Variants in PCDHGB5 observed in about 807,000 individuals in gnomAD.
PCDHGB5 encodes the protein protocadherin gamma subfamily B, 5, also known as protocadherin gamma-B5.
Under a neutral mutation model 62.9 loss-of-function variants are expected in PCDHGB5, and 48 were observed. The observed-to-expected ratio is 0.76, with a 90% CI of 0.61 to 0.97. The LOEUF (loss-of-function observed/expected upper bound fraction) is 0.97. Ranked by LOEUF, PCDHGB5 falls within the 50% of genes least tolerant of loss-of-function variation. The pLI, the probability that PCDHGB5 is intolerant of heterozygous loss-of-function variation, is 0.00. For missense variants in PCDHGB5, 1,118 were observed against 1,198.6 expected (o/e 0.93, Z 0.99); for synonymous variants, 474 against 511.2 (o/e 0.93, Z 0.98).
rs572457971 is a variant in PCDHGB5, at chr5:141,426,319, C to T, written c.2397+25795C>T. The T allele has an allele frequency of 1.5e-3, 257 of 175,598 alleles. 1 individual carries two copies. Among genetic ancestry groups the T allele is most frequent in the Non-Finnish European group, 1.2e-3 (99 of 79,820 alleles). 10.9% of individuals were successfully genotyped at this position (175,598 alleles called of 1,614,324 possible). ...CAGGGTGAAGCAGAGAAGCAGGACC[C>T]GGCAGTGGCAAGCACTCTTCCCTTT... is the stretch of plus-strand genomic sequence containing the variant. On this transcript the variant is annotated intron_variant, in intron 1 of 3. Coordinates refer to ENST00000617380, the MANE Select transcript of PCDHGB5 (RefSeq NM_018925.3).
chr5:141,477,572 G>T lies in PCDHGB5; in HGVS notation c.2398-17235G>T, dbSNP rs375416133. The T allele has an allele frequency of 6.2e-7, 1 of 1,614,112 alleles. No homozygotes were observed. Among genetic ancestry groups the T allele is most frequent in the South Asian group, 1.1e-5 (1 of 91,072 alleles). ...AAACCTAAGTGTCTGGGACCCCGAC[G>T]CCCCGCAGAATGCTCGGCTTTCTTT... On this transcript the variant is annotated intron_variant, in intron 1 of 3. Transcript: ENST00000617380. The surrounding 1 kb of genome is among the most constrained non-coding windows in gnomAD (Gnocchi z 4.9).
In PCDHGB5 at chr5:141,500,938, G is replaced by A. The variant is rs1317178701; in HGVS notation, c.2457-4455G>A. On this transcript the variant is annotated intron_variant, in intron 2 of 3. Transcript: ENST00000617380. Reference sequence around the variant, plus strand: ...GGCTGGGGTGCAGTGGCGCCATCTCGGCTCACTGCAAGCTCCACCTCCTGG... The same window carrying A: ...GGCTGGGGTGCAGTGGCGCCATCTCAGCTCACTGCAAGCTCCACCTCCTGG... 2.6e-5 allele frequency among the ~76,000 whole-genome samples: 4 copies of A among 151,060 alleles called. No homozygotes were observed. The East Asian group carries it at 5.8e-4, about 22-fold the overall frequency.
At chr5:141,409,059 A>G (rs2095217608) in intron 1 of PCDHGB5, 2 of 1,614,050 alleles carry the variant, frequency 1.2e-6, no homozygotes, top group Non-Finnish European at 1.7e-6. Context: ...AGCACTGCCC[A>G]GAGCACAAAA....
chr5:141,402,954 T>C, intron 1 of PCDHGB5: 3 of 1,601,320 alleles, frequency 1.9e-6, no homozygotes, highest in Non-Finnish European at 2.6e-6. Context: ...GAGGCAGCAA[T>C]GGCAGCTCCA....
In PCDHGB5 at chr5:141,432,272, G is replaced by A. The variant is rs772255343; in HGVS notation, c.2397+31748G>A. On this transcript the variant is annotated intron_variant, in intron 1 of 3. Transcript: ENST00000617380. The surrounding 1 kb of genome is among the most constrained non-coding windows in gnomAD (Gnocchi z 6.0). ...CCAAGGGGCAAGCCTATCGTCCTAC[G>A]TGTCCATCAACTCCGACACTGGGGT... 1 of 1,614,210 alleles carries A rather than the reference G, an allele frequency of 6.2e-7. No individual in the cohort carries two copies. Among genetic ancestry groups the A allele is most frequent in the South Asian group, 1.1e-5 (1 of 91,086 alleles).
chr5:141,404,363 A>G (rs1459982001), intron 1 of PCDHGB5: 15 of 1,613,846 alleles, frequency 9.3e-6, no homozygotes, highest in African/African-American at 1.3e-5. Flanking sequence ...AGGTACTTCC[A>G]TCTTCTCCGT....
intron 1 of PCDHGB5, among the ~76,000 whole-genome samples, chr5:141,459,494 G>C (rs1454297107): frequency 2.0e-5 from 3 of 152,200 alleles, no homozygotes; most frequent in African/African-American, 7.2e-5. Context: ...CTGAATTAAA[G>C]TGATGTGAAC....
At chr5:141,498,520 A>T (rs1178141390) in intron 2 of PCDHGB5, among the ~76,000 whole-genome samples, 1 of 149,264 alleles carries the variant, frequency 6.7e-6, no homozygotes, top group Non-Finnish European at 1.5e-5. Flanking sequence ...CATCTTGCCC[A>T]CTGCCCTCCA....
chr5:141,510,221 C>T lies in PCDHGB5; in HGVS notation c.2546-726C>T, dbSNP rs891359580. On this transcript the variant is annotated intron_variant, in intron 3 of 3. Transcript: ENST00000617380. The stretch of plus-strand genomic sequence containing the variant: ...CCAGGAGGCAGAGGTTGCAGTGAGC[C>T]GGGATCGCGCCACTGCACTCCAGGC... Among the ~76,000 whole-genome samples, 12 of 150,616 alleles carry T rather than the reference C, an allele frequency of 8.0e-5. No homozygotes were observed. In the East Asian group the frequency reaches 1.2e-3, roughly 15 times the overall value.
chr5:141,427,921 G>A (rs2097089596), intron 1 of PCDHGB5: 3 of 1,580,128 alleles, frequency 1.9e-6, no homozygotes, highest in African/African-American at 1.3e-5. Flanking sequence ...AACATGAGCC[G>A]GCGCATGTTG....
At chr5:141,421,206 G>A in intron 1 of PCDHGB5, 1 of 1,531,730 alleles carries the variant, frequency 6.5e-7, no homozygotes, top group Non-Finnish European at 8.8e-7. Context: ...AGAAACCGCG[G>A]AATATCGGCT....
At chr5:141,454,249 C>T (rs1215688507) in intron 1 of PCDHGB5, among the ~76,000 whole-genome samples, 3 of 152,192 alleles carry the variant, frequency 2.0e-5, no homozygotes, top group Non-Finnish European at 4.4e-5. Context: ...ATGAAGATGT[C>T]CCAGAGAAAG....
chr5:141,423,415 G>GA (rs750028507), intron 1 of PCDHGB5: 3 of 1,614,134 alleles, frequency 1.9e-6, no homozygotes, highest in Non-Finnish European at 2.5e-6. Context: ...GCAGGCTTCT[G>GA]AAGGCGGGTT....
At chr5:141,422,684 C>T (rs2096664410) in intron 1 of PCDHGB5, 1 of 1,604,876 alleles carries the variant, frequency 6.2e-7, no homozygotes, top group Admixed American at 1.7e-5. Flanking sequence ...AAACAGAATG[C>T]CCTGGTCACT....
Position 141,398,974 on chromosome 5 carries a change from A to G in PCDHGB5, c.847A>G (p.Arg283Gly), listed in dbSNP as rs1486049931. ...INSEITYSFY[R>G]TGQIFSLNSK... The stretch of plus-strand genomic sequence containing the variant: ...CTCAGAAATTACTTATTCCTTCTAC[A>G]GAACCGGGCAAATCTTTAGTCTGAA... Residue 283 changes from arginine (R) to glycine (G), a missense_variant, in exon 1 of 4, where the codon AGA becomes GGA. Arg to Gly is a moderately radical substitution (Grantham distance 125). This residue lies in a region of PCDHGB5 where 1,034 missense variants were observed against 1,029.1 expected (regional missense o/e 1.00). Transcript: ENST00000617380. 1.4e-5 allele frequency: 23 copies of G among 1,613,860 alleles called. No homozygotes were observed. Among genetic ancestry groups the G allele is most frequent in the Non-Finnish European group, 1.9e-5 (22 of 1,179,906 alleles).
At chr5:141,430,713 T>G in intron 1 of PCDHGB5, 1 of 1,481,944 alleles carries the variant, frequency 6.7e-7, no homozygotes, top group Non-Finnish European at 9.0e-7. Context: ...GCTCCTGACT[T>G]CAGTGGTTAA....
chr5:141,491,598 C>T lies in PCDHGB5; in HGVS notation c.2398-3209C>T, dbSNP rs1410472886. On this transcript the variant is annotated intron_variant, in intron 1 of 3. Transcript: ENST00000617380. This position sits in a 1 kb window ranked among gnomAD's most constrained non-coding sequence, Gnocchi z 6.9. ...TTTCACCGGCCTCGGACGGCAGTGA[C>T]TTCACTTTTCTAAGACCCCTCAGCG... 1.4e-5 allele frequency: 22 copies of T among 1,613,872 alleles called. No homozygotes were observed. The highest frequency in any genetic ancestry group is 1.8e-5 in the Non-Finnish European group (21 of 1,180,048).
chr5:141,415,579 A>G, intron 1 of PCDHGB5: 1 of 1,614,072 alleles, frequency 6.2e-7, no homozygotes, highest in East Asian at 2.2e-5. Flanking sequence ...AGATGATTCG[A>G]AGTTTCCTAT....
intron 1 of PCDHGB5, among the ~76,000 whole-genome samples, chr5:141,470,842 C>A (rs2099241464): frequency 6.6e-6 from 1 of 152,044 alleles, no homozygotes; most frequent in Non-Finnish European, 1.5e-5. Context: ...CACACGCCAC[C>A]ATGCTCAGAT....
Sources: gnomAD v4.1 joint callset for allele counts (sites outside exome capture counted in the v4.1 genomes callset) on GRCh38, gnomAD v4.1.1 for gene constraint, gnomAD v4.1.1 regional missense constraint, Gnocchi (gnomAD v3.1) non-coding constraint, MANE v1.5 for transcripts, NCBI Gene and HGNC (gene_info 2026-07-23, HGNC 2026-07-21) for gene names.